Variants in ZNF804B observed in about 807,000 individuals in gnomAD.
ZNF804B encodes the protein zinc finger protein 804B, also known as zinc finger 804B.
In ZNF804B, 80 loss-of-function variants were observed where a neutral mutation model predicts 101.4. The observed-to-expected ratio is 0.79, with a 90% confidence interval of 0.66 to 0.95. The LOEUF (loss-of-function observed/expected upper bound fraction) is 0.95. ZNF804B is among the 40% of genes least tolerant of loss of function. ZNF804B has a pLI of 0.00. For missense variants in ZNF804B, 1,673 were observed against 1,561.9 expected (o/e 1.07, Z -1.20); for synonymous variants, 622 against 558.8 (o/e 1.11, Z -1.59).
At chr7:89,135,697 A>G (rs1326555077) in intron 1 of ZNF804B, among the ~76,000 whole-genome samples, 2 of 151,892 alleles carry the variant, frequency 1.3e-5, no homozygotes, top group South Asian at 2.1e-4. Context: ...TCTAATTTTC[A>G]TTTTACTTTC....
At chr7:89,323,914 G>T (rs1790858889) in intron 2 of ZNF804B, among the ~76,000 whole-genome samples, 1 of 152,050 alleles carries the variant, frequency 6.6e-6, no homozygotes, top group Non-Finnish European at 1.5e-5. Context: ...GACAATCATT[G>T]TATGTGCCAT....
intron 2 of ZNF804B, among the ~76,000 whole-genome samples, chr7:89,278,554 CAGCTTTCTACATATGGCT>C (rs1562935057): frequency 2.0e-5 from 3 of 152,034 alleles, no homozygotes; most frequent in African/African-American, 7.2e-5. Context: ...GATCCAGTTT[CAGCTTTCTACATATGGCT>C]AGCTAGTTTT....
At chr7:89,188,797 A>C (rs1019918584) in intron 1 of ZNF804B, among the ~76,000 whole-genome samples, 5 of 152,130 alleles carry the variant, frequency 3.3e-5, no homozygotes, top group African/African-American at 1.2e-4. Context: ...AATTCTGTGA[A>C]AGCTAGGAGA....
At chr7:88,962,928 A>G (rs559850363) in intron 1 of ZNF804B, among the ~76,000 whole-genome samples, 112 of 150,848 alleles carry the variant, frequency 7.4e-4, no homozygotes, top group South Asian at 4.4e-3. Context: ...TTTTCATAAC[A>G]TCACACAGAA....
intron 1 of ZNF804B, among the ~76,000 whole-genome samples, chr7:89,071,558 G>A (rs960377670): frequency 2.6e-5 from 4 of 151,948 alleles, no homozygotes; most frequent in South Asian, 4.2e-4. Context: ...AAACAATCAC[G>A]GGGATAATCA....
At chr7:89,226,834 T>C (rs6974589) in intron 2 of ZNF804B, among the ~76,000 whole-genome samples, 2,044 of 152,274 alleles carry the variant, frequency 0.013, 43 homozygotes, top group African/African-American at 0.046. Flanking sequence ...TTGACTCTTA[T>C]ATTTCATCAA....
chr7:88,898,867 G>C (rs17300125), intron 1 of ZNF804B, among the ~76,000 whole-genome samples: 5,898 of 152,198 alleles, frequency 0.039, 133 homozygotes, highest in Middle Eastern at 0.048. Flanking sequence ...TAGCTTCACT[G>C]GTTCACATCA....
At chr7:89,100,012 A>G (rs2116336868) in intron 1 of ZNF804B, among the ~76,000 whole-genome samples, 1 of 152,330 alleles carries the variant, frequency 6.6e-6, no homozygotes, top group East Asian at 1.9e-4. Flanking sequence ...GTAGAGGTTA[A>G]CAAGGTGTAT....
chr7:89,228,470 A>G (rs904004233), intron 2 of ZNF804B, among the ~76,000 whole-genome samples: 12 of 151,856 alleles, frequency 7.9e-5, no homozygotes, highest in African/African-American at 2.9e-4. Flanking sequence ...CCTCCCCACC[A>G]GAGTAGCTAG....
chr7:89,273,898 A>G (rs868610456), intron 2 of ZNF804B, among the ~76,000 whole-genome samples: 3 of 150,272 alleles, frequency 2.0e-5, no homozygotes, highest in Admixed American at 6.6e-5. Context: ...TTCTGCATCA[A>G]TAATGTTACA....
chr7:88,875,256 A>G (rs1489454201), intron 1 of ZNF804B, among the ~76,000 whole-genome samples: 2 of 150,532 alleles, frequency 1.3e-5, no homozygotes, highest in African/African-American at 4.9e-5. Flanking sequence ...AGAACTAGAA[A>G]AGCAAGAGCA....
intron 1 of ZNF804B, among the ~76,000 whole-genome samples, chr7:89,054,821 T>A (rs1254433630): frequency 6.6e-6 from 1 of 152,010 alleles, no homozygotes; most frequent in Non-Finnish European, 1.5e-5. Context: ...GACCTCATAC[T>A]TTTTCCCCTT....
chr7:88,877,443 A>G (rs1466993611), intron 1 of ZNF804B, among the ~76,000 whole-genome samples: 1 of 152,102 alleles, frequency 6.6e-6, no homozygotes, highest in African/African-American at 2.4e-5. Context: ...TCTGTAATAC[A>G]TATCTATCTG....
At chr7:89,189,888 A>G (rs1443231097) in intron 1 of ZNF804B, among the ~76,000 whole-genome samples, 10 of 152,256 alleles carry the variant, frequency 6.6e-5, no homozygotes, top group Non-Finnish European at 4.4e-5. Context: ...AATGAAATAC[A>G]TTTCATAAAT....
At chr7:89,229,125 C>T (rs1789146756) in intron 2 of ZNF804B, among the ~76,000 whole-genome samples, 2 of 152,216 alleles carry the variant, frequency 1.3e-5, no homozygotes, top group Admixed American at 1.3e-4. Context: ...CACCTCCCCG[C>T]AAGCTGAGGG....
At chr7:89,291,495 A>G (rs1394250487) in intron 2 of ZNF804B, among the ~76,000 whole-genome samples, 1 of 152,182 alleles carries the variant, frequency 6.6e-6, no homozygotes, top group Non-Finnish European at 1.5e-5. Flanking sequence ...TGTACTGAAG[A>G]ATGGATCAGT....
At chr7:88,960,359 T>C (rs1256254123) in intron 1 of ZNF804B, among the ~76,000 whole-genome samples, 1 of 151,110 alleles carries the variant, frequency 6.6e-6, no homozygotes, top group Non-Finnish European at 1.5e-5. Context: ...ATACCAAAAA[T>C]AATGTGGCAG....
chr7:88,985,819 A>G (rs1378035810), intron 1 of ZNF804B, among the ~76,000 whole-genome samples: 1 of 152,118 alleles, frequency 6.6e-6, no homozygotes, highest in Non-Finnish European at 1.5e-5. Context: ...TCACCTGTTG[A>G]TCATTCCTCA....
intron 1 of ZNF804B, among the ~76,000 whole-genome samples, chr7:89,053,303 G>A (rs1789237288): frequency 6.6e-6 from 1 of 152,046 alleles, no homozygotes; most frequent in Non-Finnish European, 1.5e-5. Context: ...AGACACTTGA[G>A]TCTTGTTGCT....
Sources: allele counts gnomAD v4.1 joint callset (sites outside exome capture counted in the v4.1 genomes callset), GRCh38; gene constraint gnomAD v4.1.1; transcripts MANE v1.5; gene names NCBI Gene and HGNC (gene_info 2026-07-23, HGNC 2026-07-21).